TAF4: variants seen among roughly 807,000 people sequenced by gnomAD.
The protein encoded by TAF4 is transcription initiation factor TFIID subunit 4.
A neutral mutation model predicts 90.3 loss-of-function variants in TAF4; 9 were observed. The observed-to-expected ratio is 0.10, with a 90% CI of 0.06 to 0.17. The LOEUF is 0.17. Ranked by LOEUF, TAF4 falls within the 10% of genes least tolerant of loss-of-function variation. TAF4 has a pLI of 1.00. For synonymous variants in TAF4, 818 were observed against 638.9 expected, an observed-to-expected ratio of 1.28 and a Z score of -4.23; for missense variants, 1,351 against 1,370.7, an observed-to-expected ratio of 0.99 and a Z score of 0.23.
intron 9 of TAF4, among the ~76,000 whole-genome samples, chr20:62,002,584 GGGCAGAAGTGATCCT>G (rs1472861092): frequency 2.0e-5 from 3 of 152,152 alleles, no homozygotes; most frequent in Non-Finnish European, 2.9e-5. Context: ...CTGAACTCCT[GGGCAGAAGTGATCCT>G]CCTGCCTCAG....
intron 13 of TAF4, 150 bp downstream of exon 13, chr20:61,997,986 T>G: frequency 1.3e-6 from 1 of 755,434 alleles, no homozygotes; most frequent in Non-Finnish European, 2.1e-6. Flanking sequence ...ATACCTCTGA[T>G]GTTGTATTTA....
At chr20:62,039,940 CAA>C (rs1047543550) in intron 1 of TAF4, among the ~76,000 whole-genome samples, 19 of 152,160 alleles carry the variant, frequency 1.2e-4, no homozygotes, top group African/African-American at 4.6e-4. Flanking sequence ...ATCAAAGCCA[CAA>C]CATAATGGCA....
intron 2 of TAF4, among the ~76,000 whole-genome samples, 157 bp downstream of exon 2, chr20:62,014,390 C>T (rs1048054334): frequency 5.9e-5 from 9 of 152,158 alleles, no homozygotes; most frequent in Admixed American, 2.0e-4. Flanking sequence ...CCGTCCCGGG[C>T]CCATCCTAGA....
chr20:62,043,917 T>C (rs6061981), intron 1 of TAF4, among the ~76,000 whole-genome samples: 105,478 of 152,114 alleles, frequency 0.69, 36,759 homozygotes, highest in Middle Eastern at 0.78. Flanking sequence ...GAAGTATTTC[T>C]AAGCCCACTG....
chr20:62,034,072 A>G (rs1276140094), intron 1 of TAF4, among the ~76,000 whole-genome samples: 2 of 152,070 alleles, frequency 1.3e-5, no homozygotes. Flanking sequence ...TGAGTGGGAA[A>G]GAACTTCCTT....
chr20:62,033,647 G>T (rs1305544281), intron 1 of TAF4, among the ~76,000 whole-genome samples: 1 of 151,454 alleles, frequency 6.6e-6, no homozygotes, highest in Non-Finnish European at 1.5e-5. Context: ...TGAAGCACAA[G>T]AATTGCTTGA....
At chr20:62,014,046 A>ATGTG (rs994940148) in intron 2 of TAF4, among the ~76,000 whole-genome samples, 21 of 74,084 alleles carry the variant, frequency 2.8e-4, no homozygotes, top group East Asian at 9.5e-4. Context: ...GTGTGTGTGT[A>ATGTG]TGTGTGTGTG....
intron 1 of TAF4, among the ~76,000 whole-genome samples, chr20:62,025,126 G>A (rs1490436507): frequency 2.0e-5 from 3 of 152,192 alleles, no homozygotes; most frequent in African/African-American, 7.2e-5. Context: ...CAGTTTTGTA[G>A]AAAGTTAAAC....
At chr20:62,022,578 TG>T (rs1361945552) in intron 1 of TAF4, among the ~76,000 whole-genome samples, 2 of 152,144 alleles carry the variant, frequency 1.3e-5, no homozygotes, top group African/African-American at 4.8e-5. Flanking sequence ...GGCCCAGATG[TG>T]GAAAGGGCCC....
At position 62,064,441 on chromosome 20, in the gene TAF4, G is replaced by T; in HGVS notation, c.1360+10C>A. ...GCCGCCCTTCCCTCCCGCCCCGTGC[G>T]GCCACTCACCTGGGGGCAGCTGGAA... is the stretch of plus-strand genomic sequence containing the variant. On this transcript the variant is annotated intron_variant, in intron 1 of 14. Transcript: ENST00000252996. The T allele has an allele frequency of 7.3e-7, 1 of 1,377,958 alleles. No homozygotes were observed. The highest frequency in any genetic ancestry group is 9.5e-7 in the Non-Finnish European group (1 of 1,057,798). 85.4% of individuals were successfully genotyped at this position (1,377,958 alleles called of 1,614,324 possible). A position where few individuals can be genotyped will look rare whatever the true frequency, so the allele number is the denominator to read the frequency against.
At chr20:62,038,909 C>A (rs140965440) in intron 1 of TAF4, among the ~76,000 whole-genome samples, 1 of 152,098 alleles carries the variant, frequency 6.6e-6, no homozygotes, top group Non-Finnish European at 1.5e-5. Flanking sequence ...AAAAATTAGC[C>A]GGGTGTGGTG....
At chr20:61,994,818 G>A (rs535189048) in intron 14 of TAF4, among the ~76,000 whole-genome samples, 2 of 152,332 alleles carry the variant, frequency 1.3e-5, no homozygotes, top group East Asian at 1.9e-4. Context: ...GGCTGAGAGC[G>A]AAACAGAGAA....
At chr20:62,002,225 G>A (rs1244281018) in intron 9 of TAF4, among the ~76,000 whole-genome samples, 1 of 152,176 alleles carries the variant, frequency 6.6e-6, no homozygotes, top group Non-Finnish European at 1.5e-5. Flanking sequence ...CAGGCATGCT[G>A]GCCACCTCTC....
chr20:61,982,888 C>T (rs1219646508), intron 14 of TAF4, among the ~76,000 whole-genome samples: 1 of 152,140 alleles, frequency 6.6e-6, no homozygotes, highest in African/African-American at 2.4e-5. Context: ...CCTGCACCCC[C>T]CTCCCCACCC....
At chr20:62,055,735 C>A (rs918381013) in intron 1 of TAF4, among the ~76,000 whole-genome samples, 1 of 152,190 alleles carries the variant, frequency 6.6e-6, no homozygotes, top group Admixed American at 6.5e-5. Context: ...CTGGGAAAGC[C>A]TTCCCTGACT....
Position 62,065,116 on chromosome 20 carries a change from G to A in TAF4, c.695C>T (p.Ala232Val), listed in dbSNP as rs1457022067. 8.0e-6 allele frequency: 9 copies of A among 1,130,220 alleles called. No homozygotes were observed. The highest frequency in any genetic ancestry group is 9.9e-6 in the Non-Finnish European group (9 of 905,504). 70.0% of individuals were successfully genotyped at this position (1,130,220 alleles called of 1,614,324 possible). The change falls in exon 1 of 15, where the codon GCC becomes GTC. Residue 232 changes from alanine (A) to valine (V), a missense_variant. Ala to Val is a moderately conservative substitution (Grantham distance 64, BLOSUM62 0). Transcript: ENST00000252996. ...CGTCTGGATGACAGTGCCGGGGGCG[G>A]CGGGCTTGGGCAGCGGCAGCAGCGC... ...PAALLPLPKP[A>V]APGTVIQTPP...
Position 62,035,045 on chromosome 20 carries a change from C to A in TAF4, c.1361-20338G>T, listed in dbSNP as rs543455228. ...CCATGTTAGCCAGGATGGTCTCGAT[C>A]CCCTGACCTCATGATCCGCCTGCCT... is the stretch of plus-strand genomic sequence containing the variant. On this transcript the variant is annotated intron_variant, in intron 1 of 14. Transcript: ENST00000252996. 1.3e-4 allele frequency among the ~76,000 whole-genome samples: 20 copies of A among 152,272 alleles called. No individual in the cohort carries two copies. In the East Asian group the frequency reaches 3.9e-3, roughly 29 times the overall value.
At chr20:62,008,842 G>A (rs1240494848) in intron 5 of TAF4, 5 of 522,540 alleles carry the variant, frequency 9.6e-6, no homozygotes, top group Non-Finnish European at 1.5e-5. Context: ...CCAGGCGCCG[G>A]CCCCAGAACA....
intron 14 of TAF4, among the ~76,000 whole-genome samples, chr20:61,983,151 T>C (rs1055982528): frequency 1.2e-4 from 18 of 152,174 alleles, no homozygotes; most frequent in African/African-American, 4.3e-4. Context: ...CAGACGCCGA[T>C]GGCCAACAGT....
Sources: allele counts gnomAD v4.1 joint callset (sites outside exome capture counted in the v4.1 genomes callset), GRCh38; gene constraint gnomAD v4.1.1; transcripts MANE v1.5; gene names NCBI Gene and HGNC (gene_info 2026-07-23, HGNC 2026-07-21).